TENM3: variants seen among roughly 807,000 people sequenced by gnomAD.
The protein encoded by TENM3 is teneurin transmembrane protein 3.
In TENM3, 63 loss-of-function variants were observed where a neutral mutation model predicts 255.1. That is an observed-to-expected ratio of 0.25 (90% CI 0.20 to 0.30). The LOEUF is 0.30. Ranked by LOEUF, TENM3 falls within the 10% of genes least tolerant of loss-of-function variation. The pLI is 1.00. For synonymous variants in TENM3, 1,306 were observed against 1,322.3 expected, an observed-to-expected ratio of 0.99 and a Z score of 0.27; for missense variants, 2,929 against 3,461.1, an observed-to-expected ratio of 0.85 and a Z score of 3.86.
At chr4:182,032,048 T>A in the TENM3 span, among the ~76,000 whole-genome samples, 1 of 152,186 alleles carries the variant, frequency 6.6e-6, no homozygotes. Context: ...CTTTATTTTT[T>A]CTCTTGCCTG....
the TENM3 span, among the ~76,000 whole-genome samples, chr4:181,900,243 C>T: frequency 3.3e-5 from 5 of 152,236 alleles, no homozygotes; most frequent in East Asian, 1.9e-4. Flanking sequence ...AATAGCTTAA[C>T]TTACTCTTCA....
chr4:181,975,759 A>C, the TENM3 span: 1 of 152,414 alleles, frequency 6.6e-6, no homozygotes, highest in Admixed American at 6.5e-5. Context: ...TGGAAGCCGG[A>C]ACCAACAAGA....
the TENM3 span, among the ~76,000 whole-genome samples, chr4:181,515,390 T>C: frequency 6.6e-6 from 1 of 152,132 alleles, no homozygotes; most frequent in Non-Finnish European, 1.5e-5. Flanking sequence ...AGCAAAATGT[T>C]CCTAAGGCTG....
At chr4:182,004,809 A>T in the TENM3 span, among the ~76,000 whole-genome samples, 145 of 152,240 alleles carry the variant, frequency 9.5e-4, no homozygotes, top group African/African-American at 3.3e-3. Flanking sequence ...TTTGATTTGC[A>T]CTTCTCTGAT....
At chr4:181,450,280 T>C in the TENM3 span, among the ~76,000 whole-genome samples, 20,050 of 152,184 alleles carry the variant, frequency 0.13, 1,498 homozygotes, top group East Asian at 0.28. Context: ...TTCTATTCTT[T>C]ATGATAACGT....
At chr4:182,463,957 C>T (rs1027679956) in intron 3 of TENM3, among the ~76,000 whole-genome samples, 1 of 151,886 alleles carries the variant, frequency 6.6e-6, no homozygotes, top group Non-Finnish European at 1.5e-5. Flanking sequence ...GTTATAATTT[C>T]TTTCCCTGAA....
At chr4:181,629,485 G>T in the TENM3 span, among the ~76,000 whole-genome samples, 1 of 152,104 alleles carries the variant, frequency 6.6e-6, no homozygotes, top group South Asian at 2.1e-4. Context: ...GTCATAAATA[G>T]CTCTTATTAT....
At chr4:182,529,375 T>A (rs1739546640) in intron 3 of TENM3, among the ~76,000 whole-genome samples, 2 of 152,190 alleles carry the variant, frequency 1.3e-5, no homozygotes, top group South Asian at 4.1e-4. Context: ...GTGTTCAACA[T>A]CGATTTTTCA....
chr4:181,600,189 T>C, the TENM3 span, among the ~76,000 whole-genome samples: 2 of 152,250 alleles, frequency 1.3e-5, no homozygotes, highest in African/African-American at 4.8e-5. Flanking sequence ...TGCTGTGTAA[T>C]ATACCATTGT....
At chr4:182,576,165 A>G (rs935979279) in intron 3 of TENM3, among the ~76,000 whole-genome samples, 12 of 152,162 alleles carry the variant, frequency 7.9e-5, no homozygotes, top group African/African-American at 2.9e-4. Context: ...AGCAGTTTGA[A>G]GACATCAGGT....
At chr4:182,034,969 A>G in the TENM3 span, among the ~76,000 whole-genome samples, 1 of 152,006 alleles carries the variant, frequency 6.6e-6, no homozygotes, top group Non-Finnish European at 1.5e-5. Context: ...TGATACCCTG[A>G]AGTGTGTTTT....
chr4:181,773,457 G>A, the TENM3 span, among the ~76,000 whole-genome samples: 3 of 152,190 alleles, frequency 2.0e-5, no homozygotes, highest in Non-Finnish European at 4.4e-5. Flanking sequence ...ACTGAGAGTT[G>A]AAATGCACCT....
At chr4:181,746,841 C>G in the TENM3 span, among the ~76,000 whole-genome samples, 4 of 151,874 alleles carry the variant, frequency 2.6e-5, no homozygotes, top group African/African-American at 7.3e-5. Flanking sequence ...ATTATTAGCT[C>G]AGAGATATTG....
At chr4:181,941,522 A>G in the TENM3 span, among the ~76,000 whole-genome samples, 1 of 152,268 alleles carries the variant, frequency 6.6e-6, no homozygotes, top group South Asian at 2.1e-4. Context: ...AGATCCACCC[A>G]TTCTTTTCTA....
At chr4:182,777,544 T>TGTGTGTGTGTGTGTG (rs1561238773) in intron 24 of TENM3, among the ~76,000 whole-genome samples, 3 of 135,100 alleles carry the variant, frequency 2.2e-5, no homozygotes, top group Admixed American at 7.9e-5. Context: ...TGTGTGTGTA[T>TGTGTGTGTGTGTGTG]TTCTTTTTTT....
intron 1 of TENM3, among the ~76,000 whole-genome samples, chr4:182,200,885 C>T (rs555285512): frequency 5.6e-5 from 8 of 143,416 alleles, no homozygotes; most frequent in East Asian, 2.1e-4. Flanking sequence ...AGTGCAATGG[C>T]GCGATCTCGG....
the TENM3 span, among the ~76,000 whole-genome samples, chr4:181,915,566 A>G: frequency 2.4e-4 from 36 of 151,874 alleles, no homozygotes; most frequent in African/African-American, 8.4e-4. Context: ...ATCTAATGAT[A>G]TATTTGGAAG....
chr4:182,522,492 C>A (rs1738683822), intron 3 of TENM3, among the ~76,000 whole-genome samples: 1 of 152,216 alleles, frequency 6.6e-6, no homozygotes, highest in South Asian at 2.1e-4. Flanking sequence ...CCACCTCCAT[C>A]CATGTTGTTG....
At chr4:182,354,608 T>C (rs758112155) in intron 3 of TENM3, among the ~76,000 whole-genome samples, 2 of 152,218 alleles carry the variant, frequency 1.3e-5, no homozygotes, top group Non-Finnish European at 2.9e-5. Context: ...ACACATATAA[T>C]TTTATACATG....
Sources: allele counts gnomAD v4.1 joint callset (sites outside exome capture counted in the v4.1 genomes callset), GRCh38; gene constraint gnomAD v4.1.1; transcripts MANE v1.5; gene names NCBI Gene and HGNC (gene_info 2026-07-23, HGNC 2026-07-21).